FANCI: variants seen among roughly 807,000 people sequenced by gnomAD.
FANCI encodes the protein Fanconi anemia group I protein.
A neutral mutation model predicts 176.1 loss-of-function variants in FANCI; 156 were observed. That is an observed-to-expected ratio of 0.89 (90% CI 0.78 to 1.01). The LOEUF (loss-of-function observed/expected upper bound fraction) is 1.01. Among genes scored for constraint, FANCI ranks in the 50% least tolerant of loss-of-function variants. The pLI, the probability that FANCI is intolerant of heterozygous loss-of-function variation, is 0.00. For synonymous variants in FANCI, 613 were observed against 541.7 expected, an observed-to-expected ratio of 1.13 and a Z score of -1.83; for missense variants, 1,678 against 1,534.1, an observed-to-expected ratio of 1.09 and a Z score of -1.57.
chr15:89,265,552 C>T (rs2351005), intron 9 of FANCI, among the ~76,000 whole-genome samples: 62,471 of 149,430 alleles, frequency 0.42, 13,046 homozygotes, highest in African/African-American at 0.47. Context: ...GAGATGGGGT[C>T]TCACTCTGTT....
intron 1 of FANCI, among the ~76,000 whole-genome samples, chr15:89,246,731 T>TTC (rs1395610424): frequency 6.6e-6 from 1 of 151,768 alleles, no homozygotes; most frequent in African/African-American, 2.4e-5. Flanking sequence ...CCTTGTTAAC[T>TTC]TCTCAGCTTT....
intron 20 of FANCI, among the ~76,000 whole-genome samples, chr15:89,292,412 A>G (rs1235888449): frequency 2.6e-5 from 4 of 152,144 alleles, no homozygotes; most frequent in Non-Finnish European, 5.9e-5. Flanking sequence ...TTCACCACCT[A>G]GCTCCAGGGT....
intron 3 of FANCI, among the ~76,000 whole-genome samples, chr15:89,260,145 T>A (rs2052655175): frequency 1.3e-5 from 2 of 152,164 alleles, no homozygotes; most frequent in South Asian, 4.1e-4. Flanking sequence ...TTTGATTTAT[T>A]TTCATCACTT....
At chr15:89,265,704 T>C (rs1398922336) in intron 9 of FANCI, among the ~76,000 whole-genome samples, 1 of 151,794 alleles carries the variant, frequency 6.6e-6, no homozygotes, top group African/African-American at 2.4e-5. Context: ...TTTGTATTTT[T>C]AGTAGCGATG....
At chr15:89,305,953 T>A in intron 31 of FANCI, 54 bp from the exon 32 acceptor site, 1 of 1,577,338 alleles carries the variant, frequency 6.3e-7, no homozygotes. Flanking sequence ...TCTCCTTTAC[T>A]CTTAATTAGA....
chr15:89,280,376 AC>A lies in FANCI; in HGVS notation c.1382-792del, dbSNP rs66683307. On this transcript the variant is annotated intron_variant, in intron 14 of 37. Transcript: ENST00000310775. ...GTGCTTGACAAGTTGATCCCACCCT[AC>A]CTTTCCATTGTTAAAGTCAGTTATT... is the stretch of plus-strand genomic sequence containing the variant. 5.3e-3 allele frequency among the ~76,000 whole-genome samples: 810 copies of A among 152,194 alleles called. 9 individuals carry two copies. The highest frequency in any genetic ancestry group is 0.018 in the African/African-American group (741 of 41,530).
intron 10 of FANCI, among the ~76,000 whole-genome samples, chr15:89,269,422 C>T (rs2053112046): frequency 1.3e-5 from 2 of 151,358 alleles, no homozygotes; most frequent in Non-Finnish European, 2.9e-5. Context: ...TTCCTCTGCT[C>T]CAGGCTCTCA....
chr15:89,297,551 G>A (rs186409302), intron 24 of FANCI, among the ~76,000 whole-genome samples: 4,791 of 152,286 alleles, frequency 0.031, 220 homozygotes, highest in African/African-American at 0.11. Flanking sequence ...TCGTGGTTAG[G>A]AGCTGGAGAC....
At chr15:89,275,203 T>A (rs2053366483) in intron 12 of FANCI, among the ~76,000 whole-genome samples, 1 of 148,556 alleles carries the variant, frequency 6.7e-6, no homozygotes. Context: ...GCTGGGACAA[T>A]AATAGGTGCA....
chr15:89,275,345 T>A (rs2151470366), intron 12 of FANCI, among the ~76,000 whole-genome samples: 1 of 152,346 alleles, frequency 6.6e-6, no homozygotes, highest in African/African-American at 2.4e-5. Context: ...GAAATTCATT[T>A]AAAACCACAT....
chr15:89,267,803 T>C (rs781746886), intron 9 of FANCI, among the ~76,000 whole-genome samples: 56 of 152,106 alleles, frequency 3.7e-4, no homozygotes, highest in Non-Finnish European at 7.4e-4. Flanking sequence ...GGCACATGCC[T>C]GTAGTCCCAG....
intron 1 of FANCI, among the ~76,000 whole-genome samples, chr15:89,246,547 T>G (rs1431393041): frequency 1.3e-5 from 2 of 152,100 alleles, no homozygotes; most frequent in Admixed American, 6.6e-5. Context: ...ATTTTACTCA[T>G]TTTCCCCCAA....
At position 89,274,195 on chromosome 15, in the gene FANCI, G is replaced by T. The variant is rs1222471181; in HGVS notation, c.1003G>T (p.Val335Leu). 2.5e-6 allele frequency: 4 copies of T among 1,590,180 alleles called. No individual in the cohort carries two copies. Among genetic ancestry groups the T allele is most frequent in the South Asian group, 2.3e-5 (2 of 88,414 alleles). The change falls in exon 12 of 38, where the codon GTA (valine) becomes TTA (leucine). Residue 335 changes from valine to leucine, a missense_variant. By Grantham distance (32) the Val-to-Leu change is conservative (BLOSUM62 1). This residue lies in a region of FANCI where 469 missense variants were observed against 436.9 expected (regional missense o/e 1.07). Transcript: ENST00000310775. ...QVLDLLKTSV[V>L]KSFKDLQLLQ... ...GCTTGATCTTTTAAAGACTTCGGTT[G>T]TAAAGAGCTTTAAGGATCTTCAACT...
At position 89,314,637 on chromosome 15, in the gene FANCI, C is replaced by G; in HGVS notation, c.3746C>G (p.Pro1249Arg). The G allele has an allele frequency of 3.1e-6, 5 of 1,614,064 alleles. No individual in the cohort carries two copies. Among genetic ancestry groups the G allele is most frequent in the Non-Finnish European group, 4.2e-6 (5 of 1,179,952 alleles). ...GCCAGAGTTCTTCGGGAAACCAAGC[C>G]AATCCCTAACCTCATCTTTGCCATA... ...AMARVLRETK[P>R]IPNLIFAIEQ... is the part of the protein sequence containing the mutation. The change falls in exon 36 of 38, where the codon CCA becomes CGA. Residue 1249 changes from proline (P) to arginine (R), a missense_variant. Around this residue, in one of 3 missense-constraint regions of FANCI, gnomAD observed 1,204 missense variants for 1,077.4 expected, o/e 1.12. Coordinates refer to ENST00000310775, the MANE Select transcript of FANCI (RefSeq NM_001113378.2).
chr15:89,312,007 TC>T (rs2151979846), intron 34 of FANCI, among the ~76,000 whole-genome samples: 1 of 152,356 alleles, frequency 6.6e-6, no homozygotes, highest in South Asian at 2.1e-4. Flanking sequence ...CTCCAGGAGC[TC>T]TTTATTACCC....
intron 13 of FANCI, among the ~76,000 whole-genome samples, chr15:89,277,630 A>AG (rs34388635): frequency 0.28 from 41,164 of 145,924 alleles, 7,305 homozygotes; most frequent in Non-Finnish European, 0.38. Flanking sequence ...AAAAAAAAAA[A>AG]AAGAATCATA....
intron 10 of FANCI, among the ~76,000 whole-genome samples, chr15:89,269,351 T>C (rs1266006914): frequency 6.6e-6 from 1 of 152,124 alleles, no homozygotes; most frequent in Non-Finnish European, 1.5e-5. Context: ...ATTTAATTTA[T>C]ATTCCCTATT....
intron 2 of FANCI, among the ~76,000 whole-genome samples, chr15:89,252,059 G>T (rs2052276161): frequency 6.6e-6 from 1 of 152,160 alleles, no homozygotes; most frequent in East Asian, 1.9e-4. Context: ...CAACGCTTTG[G>T]GAGGCCAAGG....
At chr15:89,305,735 T>C in intron 31 of FANCI, 37 bp downstream of exon 31, 1 of 1,594,830 alleles carries the variant, frequency 6.3e-7, no homozygotes. Flanking sequence ...GGAATTGACA[T>C]GAGCAAGGTC....
Sources: allele counts gnomAD v4.1 joint callset (sites outside exome capture counted in the v4.1 genomes callset), GRCh38; gene constraint gnomAD v4.1.1; regional missense constraint gnomAD v4.1.1; transcripts MANE v1.5; gene names NCBI Gene and HGNC (gene_info 2026-07-23, HGNC 2026-07-21).